The following SNX29 variants were observed in gnomAD, a reference collection of about 807,000 sequenced individuals.
The protein encoded by SNX29 is sorting nexin-29.
In SNX29, 78 loss-of-function variants were observed where a neutral mutation model predicts 102.1. That is an observed-to-expected ratio of 0.76 (90% confidence interval 0.64 to 0.92). The LOEUF (loss-of-function observed/expected upper bound fraction) is 0.92, where lower values mean the gene tolerates loss of function less well. Ranked by LOEUF, SNX29 falls within the 40% of genes least tolerant of loss-of-function variation. The pLI is 0.00. For missense variants in SNX29, 1,280 were observed against 1,061.7 expected (o/e 1.21, Z -2.86); for synonymous variants, 580 against 414.5 (o/e 1.40, Z -4.85).
rs182934212 is a variant in SNX29, at chr16:12,152,827, C to T, written c.1595+23069C>T. 2.1e-3 allele frequency among the ~76,000 whole-genome samples: 324 copies of T among 152,320 alleles called. 1 individual carries two copies. Among genetic ancestry groups the T allele is most frequent in the Non-Finnish European group, 3.8e-3 (261 of 68,030 alleles). On this transcript the variant is annotated intron_variant, in intron 13 of 20. Transcript: ENST00000566228. ...AATGGTTCTGTCTCACATAGGTCAG[C>T]TAAGTTAATCGTCGTGGTTGCCAGT...
chr16:12,288,326 C>A (rs1468193649), intron 15 of SNX29, among the ~76,000 whole-genome samples: 3 of 152,148 alleles, frequency 2.0e-5, no homozygotes, highest in Admixed American at 2.0e-4. Context: ...GACCCAATGA[C>A]TCAAAAGTTA....
chr16:12,390,936 G>A (rs1042753715), intron 16 of SNX29, among the ~76,000 whole-genome samples: 2 of 151,556 alleles, frequency 1.3e-5, no homozygotes, highest in African/African-American at 2.4e-5. Flanking sequence ...GAAATAAATC[G>A]CAACAAATTG....
intron 18 of SNX29, among the ~76,000 whole-genome samples, chr16:12,462,566 C>A (rs2086853547): frequency 1.3e-5 from 2 of 150,794 alleles, no homozygotes; most frequent in South Asian, 4.2e-4. Flanking sequence ...AATTTGTATC[C>A]CAGTCTTATT....
chr16:12,177,490 T>C (rs980149214), intron 13 of SNX29, among the ~76,000 whole-genome samples: 1 of 152,226 alleles, frequency 6.6e-6, no homozygotes, highest in African/African-American at 2.4e-5. Flanking sequence ...TGTGTTTATC[T>C]GTGTAGGTCT....
chr16:12,059,958 C>G (rs982781148), intron 8 of SNX29, among the ~76,000 whole-genome samples: 4 of 152,192 alleles, frequency 2.6e-5, no homozygotes, highest in Non-Finnish European at 5.9e-5. Flanking sequence ...CCTCCCTTCC[C>G]TTTGTCTGCC....
At chr16:12,107,203 C>G (rs781328355) in intron 11 of SNX29, among the ~76,000 whole-genome samples, 3 of 152,152 alleles carry the variant, frequency 2.0e-5, no homozygotes, top group Non-Finnish European at 4.4e-5. Context: ...CGAGAGATGT[C>G]TTTATTCTGA....
intron 14 of SNX29, among the ~76,000 whole-genome samples, chr16:12,238,950 A>G (rs2078018610): frequency 6.6e-6 from 1 of 152,176 alleles, no homozygotes; most frequent in South Asian, 2.1e-4. Flanking sequence ...TGTTGTAGGT[A>G]GCAAACAGGA....
intron 13 of SNX29, among the ~76,000 whole-genome samples, chr16:12,167,412 G>C (rs991571799): frequency 6.6e-6 from 1 of 152,150 alleles, no homozygotes; most frequent in Non-Finnish European, 1.5e-5. Context: ...TAGAGCTCTT[G>C]ATATTTCTTG....
chr16:12,225,325 T>C (rs1028081881), intron 14 of SNX29, among the ~76,000 whole-genome samples: 3 of 152,064 alleles, frequency 2.0e-5, no homozygotes, highest in African/African-American at 4.8e-5. Context: ...TCATCTTGGA[T>C]TGTAACTCCC....
At chr16:12,094,109 C>T (rs1460333274) in intron 11 of SNX29, among the ~76,000 whole-genome samples, 2 of 152,144 alleles carry the variant, frequency 1.3e-5, no homozygotes, top group Admixed American at 1.3e-4. Flanking sequence ...CTAACTGTGC[C>T]TCAGCGTTCT....
At chr16:12,342,449 G>C (rs1372788784) in intron 15 of SNX29, among the ~76,000 whole-genome samples, 1 of 152,212 alleles carries the variant, frequency 6.6e-6, no homozygotes, top group Non-Finnish European at 1.5e-5. Context: ...CACAGCCAGT[G>C]AAGTGTGGTC....
intron 19 of SNX29, among the ~76,000 whole-genome samples, chr16:12,515,995 C>G (rs1422337360): frequency 6.6e-6 from 1 of 152,080 alleles, no homozygotes; most frequent in African/African-American, 2.4e-5. Flanking sequence ...GAAGGGGAAG[C>G]AGGGGAGGGG....
At chr16:12,472,600 G>T (rs55917311) in intron 18 of SNX29, among the ~76,000 whole-genome samples, 1 of 151,030 alleles carries the variant, frequency 6.6e-6, no homozygotes, top group Non-Finnish European at 1.5e-5. Flanking sequence ...TTAGCATTGC[G>T]GGAGAGCACT....
At chr16:12,162,088 G>A (rs1279834272) in intron 13 of SNX29, among the ~76,000 whole-genome samples, 5 of 152,114 alleles carry the variant, frequency 3.3e-5, no homozygotes, top group Non-Finnish European at 7.4e-5. Context: ...ATGGTGCCAT[G>A]TACTTACTTC....
intron 18 of SNX29, among the ~76,000 whole-genome samples, chr16:12,434,661 C>T (rs1264131056): frequency 6.6e-6 from 1 of 152,172 alleles, no homozygotes; most frequent in African/African-American, 2.4e-5. Flanking sequence ...CCCGCCAACA[C>T]CCCTGCACAA....
chr16:11,992,848 A>G lies in SNX29; in HGVS notation c.8-6449A>G, dbSNP rs575860203. Among the ~76,000 whole-genome samples the G allele has an allele frequency of 5.9e-5, 9 of 152,298 alleles. No homozygotes were observed. In the South Asian group the frequency reaches 1.9e-3, roughly 32 times the overall value. ...GTCACCTCCACCGCTGCATGGAGAG[A>G]CAGCGAAATACCACTATTTAAATAT... On this transcript the variant is annotated intron_variant, in intron 1 of 20. Coordinates refer to ENST00000566228, the MANE Select transcript of SNX29 (RefSeq NM_032167.5).
At chr16:12,059,450 T>G (rs576156840) in intron 8 of SNX29, among the ~76,000 whole-genome samples, 1 of 152,356 alleles carries the variant, frequency 6.6e-6, no homozygotes, top group South Asian at 2.1e-4. Flanking sequence ...GCTCTTCTTT[T>G]GCCCCCACCC....
At chr16:12,379,991 T>G (rs975284697) in intron 16 of SNX29, among the ~76,000 whole-genome samples, 4 of 152,108 alleles carry the variant, frequency 2.6e-5, no homozygotes, top group Admixed American at 2.0e-4. Flanking sequence ...CAGAGCAAGT[T>G]GTCCAGGAGG....
chr16:12,052,309 CG>C, intron 8 of SNX29, 87 bp downstream of exon 8: 1 of 1,459,388 alleles, frequency 6.9e-7, no homozygotes, highest in South Asian at 1.2e-5. Context: ...CTCCACCTCC[CG>C]GGTTCAAGCT....
Sources: gnomAD v4.1 joint callset for allele counts (sites outside exome capture counted in the v4.1 genomes callset) on GRCh38, gnomAD v4.1.1 for gene constraint, MANE v1.5 for transcripts, NCBI Gene and HGNC (gene_info 2026-07-23, HGNC 2026-07-21) for gene names.